OSBP2: variants seen among roughly 807,000 people sequenced by gnomAD.
OSBP2 encodes oxysterol-binding protein 2.
OSBP2 carries 66 observed loss-of-function variants against 96.0 expected under a neutral mutation model. The ratio of observed to expected loss-of-function variants is 0.69; its 90% CI spans 0.56 to 0.84. The LOEUF (loss-of-function observed/expected upper bound fraction) is 0.84. Ranked by LOEUF, OSBP2 falls within the 40% of genes least tolerant of loss-of-function variation. The pLI is 0.00. For synonymous variants in OSBP2, 525 were observed against 520.9 expected, an observed-to-expected ratio of 1.01 and a Z score of -0.11; for missense variants, 1,038 against 1,222.7, an observed-to-expected ratio of 0.85 and a Z score of 2.25.
intron 2 of OSBP2, among the ~76,000 whole-genome samples, chr22:30,832,462 T>C (rs1412889021): frequency 6.6e-6 from 1 of 152,036 alleles, no homozygotes; most frequent in Non-Finnish European, 1.5e-5. Flanking sequence ...GGCTAATTTT[T>C]TTTTTTCCTG....
At chr22:30,768,423 T>A (rs1265819573) in intron 2 of OSBP2, among the ~76,000 whole-genome samples, 6 of 152,118 alleles carry the variant, frequency 3.9e-5, no homozygotes, top group African/African-American at 1.2e-4. Flanking sequence ...ATACCTATAA[T>A]CCTAGCACTT....
chr22:30,816,299 G>A lies in OSBP2; in HGVS notation c.854-54130G>A, dbSNP rs994951609. Among the ~76,000 whole-genome samples the A allele has an allele frequency of 4.6e-5, 7 of 152,024 alleles. No individual in the cohort carries two copies. In the East Asian group the frequency reaches 7.7e-4, roughly 17 times the overall value. Reference sequence around the variant, plus strand: ...TTTTTAAAAAAGAATCATTGAAGACGAAATAAATGGGCAGTCATCCCTTGG... The same window carrying A: ...TTTTTAAAAAAGAATCATTGAAGACAAAATAAATGGGCAGTCATCCCTTGG... On this transcript the variant is annotated intron_variant, in intron 2 of 13. Coordinates refer to ENST00000332585, the MANE Select transcript of OSBP2 (RefSeq NM_030758.4).
chr22:30,738,319 A>G lies in OSBP2; in HGVS notation c.645-2842A>G, dbSNP rs564978750. Among the ~76,000 whole-genome samples the G allele has an allele frequency of 2.0e-5, 3 of 152,170 alleles. No homozygotes were observed. The East Asian group carries it at 5.8e-4, about 29-fold the overall frequency. ...GCCATAATGTCATTTTTGGTGAGTCACTACACTTACACCTGAACAATTTCT... is the reference window on the plus strand; with the variant it reads ...GCCATAATGTCATTTTTGGTGAGTCGCTACACTTACACCTGAACAATTTCT... On this transcript the variant is annotated intron_variant, in intron 1 of 13. Transcript: ENST00000332585.
At chr22:30,765,493 G>A (rs965566897) in intron 2 of OSBP2, among the ~76,000 whole-genome samples, 1 of 152,110 alleles carries the variant, frequency 6.6e-6, no homozygotes, top group African/African-American at 2.4e-5. Context: ...ACAGGCGTGA[G>A]CAACCACTCC....
At chr22:30,868,902 CA>C (rs537736026) in intron 2 of OSBP2, among the ~76,000 whole-genome samples, 1 of 151,846 alleles carries the variant, frequency 6.6e-6, no homozygotes, top group African/African-American at 2.4e-5. Flanking sequence ...CATTATTTTT[CA>C]AAAAAAGTCT....
chr22:30,877,297 T>A (rs12167141), intron 3 of OSBP2, among the ~76,000 whole-genome samples: 35,726 of 152,118 alleles, frequency 0.23, 4,845 homozygotes, highest in East Asian at 0.49. Context: ...CTTGAATTAC[T>A]GTTTTGGGTA....
At position 30,695,414 on chromosome 22, in the gene OSBP2, A is replaced by G; in HGVS notation, c.505A>G (p.Thr169Ala). The change falls in exon 1 of 14, where the codon ACT becomes GCT. Residue 169 changes from threonine (T) to alanine (A), a missense_variant. Physicochemically the swap from Thr to Ala is moderately conservative, Grantham distance 58. This residue lies in a region of OSBP2 where 281 missense variants were observed against 273.4 expected (regional missense o/e 1.03). Transcript: ENST00000332585. ...KTPLGVPMSG[T>A]GTTSSAPLAL... ...TCCTCTTGGGGTTCCAATGTCGGGGACTGGCACGACCTCCAGTGCCCCACT... is the reference window on the plus strand; with the variant it reads ...TCCTCTTGGGGTTCCAATGTCGGGGGCTGGCACGACCTCCAGTGCCCCACT... The G allele has an allele frequency of 6.2e-7, 1 of 1,613,668 alleles. No homozygotes were observed. Among genetic ancestry groups the G allele is most frequent in the Non-Finnish European group, 8.5e-7 (1 of 1,180,004 alleles).
rs754101578 is a variant in OSBP2, at chr22:30,881,911, C to T, written c.1108-5515C>T. On this transcript the variant is annotated intron_variant, in intron 3 of 13. Transcript: ENST00000332585. The surrounding 1 kb of genome is among the most constrained non-coding windows in gnomAD (Gnocchi z 4.5). ...GGTCTTGGGTGCAGCCACATGAGGC[C>T]TTTGATATTAGGGCACAGCAGTTTT... is the stretch of plus-strand genomic sequence containing the variant. The T allele has an allele frequency of 1.1e-4, 105 of 972,008 alleles. 1 individual carries two copies. The highest frequency in any genetic ancestry group is 1.4e-4 in the Non-Finnish European group (97 of 708,294). 60.2% of individuals were successfully genotyped at this position (972,008 alleles called of 1,614,324 possible).
intron 1 of OSBP2, among the ~76,000 whole-genome samples, chr22:30,720,532 A>G (rs2089531793): frequency 6.6e-6 from 1 of 152,200 alleles, no homozygotes; most frequent in African/African-American, 2.4e-5. Flanking sequence ...CAGGAACTCC[A>G]GTGTGCCTAC....
chr22:30,698,840 G>A (rs752307090), intron 1 of OSBP2, among the ~76,000 whole-genome samples: 12 of 152,072 alleles, frequency 7.9e-5, no homozygotes, highest in Non-Finnish European at 1.6e-4. Flanking sequence ...CCTCCTCCAG[G>A]ATAGCCACTA....
At chr22:30,849,402 A>G (rs1279247176) in intron 2 of OSBP2, among the ~76,000 whole-genome samples, 1 of 152,216 alleles carries the variant, frequency 6.6e-6, no homozygotes, top group Non-Finnish European at 1.5e-5. Flanking sequence ...CATCCTGCCA[A>G]CCTGGAATTG....
chr22:30,888,670 A>AG (rs1179161263), intron 5 of OSBP2, among the ~76,000 whole-genome samples: 1 of 152,238 alleles, frequency 6.6e-6, no homozygotes, highest in Non-Finnish European at 1.5e-5. Context: ...TGGAGGCTGC[A>AG]GTGAGCCATG....
intron 2 of OSBP2, among the ~76,000 whole-genome samples, chr22:30,815,080 G>A (rs554350687): frequency 3.3e-5 from 5 of 152,310 alleles, no homozygotes; most frequent in East Asian, 1.9e-4. Flanking sequence ...CAAGGAGTTC[G>A]AGACCAGCCT....
At chr22:30,719,270 G>T (rs2089509029) in intron 1 of OSBP2, among the ~76,000 whole-genome samples, 1 of 152,034 alleles carries the variant, frequency 6.6e-6, no homozygotes, top group South Asian at 2.1e-4. Context: ...GCAGCTGTGT[G>T]GCAGGACCAG....
chr22:30,710,983 G>A (rs1450569087), intron 1 of OSBP2, among the ~76,000 whole-genome samples: 1 of 152,150 alleles, frequency 6.6e-6, no homozygotes, highest in African/African-American at 2.4e-5. Context: ...GACCTCAGGC[G>A]ATCCGCCTGC....
chr22:30,842,196 C>T (rs2038766578), intron 2 of OSBP2, among the ~76,000 whole-genome samples: 1 of 152,198 alleles, frequency 6.6e-6, no homozygotes, highest in Non-Finnish European at 1.5e-5. Context: ...ATCCCTTGAG[C>T]TCAGGAGTTT....
rs569031504 is a variant in OSBP2, at chr22:30,739,667, G to C, written c.645-1494G>C. On this transcript the variant is annotated intron_variant, in intron 1 of 13. Transcript: ENST00000332585. ...TTTTTGTATTTTTGTAAACGCCCAA[G>C]GGGTTCACCTTGCCTGCTGCCTAGA... is the stretch of plus-strand genomic sequence containing the variant. Among the ~76,000 whole-genome samples the C allele has an allele frequency of 1.1e-3, 173 of 152,136 alleles. 1 individual carries two copies. Among genetic ancestry groups the C allele is most frequent in the Non-Finnish European group, 2.1e-3 (146 of 67,992 alleles).
chr22:30,820,644 G>A (rs5753334), intron 2 of OSBP2, among the ~76,000 whole-genome samples: 16,159 of 152,146 alleles, frequency 0.11, 968 homozygotes, highest in East Asian at 0.23. Context: ...AAAAGAGGGT[G>A]TTGGTGAAAT....
intron 2 of OSBP2, among the ~76,000 whole-genome samples, chr22:30,813,171 C>CTTTTTTTTTTTT (rs911860511): frequency 2.5e-5 from 2 of 78,588 alleles, no homozygotes; most frequent in African/African-American, 5.1e-5. Context: ...ATGTTGCATT[C>CTTTTTTTTTTTT]TTTTTTTTTT....
Sources: gnomAD v4.1 joint callset for allele counts (sites outside exome capture counted in the v4.1 genomes callset) on GRCh38, gnomAD v4.1.1 for gene constraint, gnomAD v4.1.1 regional missense constraint, Gnocchi (gnomAD v3.1) non-coding constraint, MANE v1.5 for transcripts, NCBI Gene and HGNC (gene_info 2026-07-23, HGNC 2026-07-21) for gene names.